The following PPP1R12C variants were observed in gnomAD, a reference collection of about 807,000 sequenced individuals.
The protein encoded by PPP1R12C is protein phosphatase 1 regulatory subunit 12C.
PPP1R12C carries 48 observed loss-of-function variants against 95.6 expected under a neutral mutation model. The observed-to-expected ratio is 0.50, with a 90% CI of 0.40 to 0.64. The LOEUF (loss-of-function observed/expected upper bound fraction) is 0.64. PPP1R12C is among the 30% of genes least tolerant of loss of function. The probability of loss-of-function intolerance (pLI) is 0.00; values close to 1 mark genes in which losing one functional copy is unlikely to be tolerated. For synonymous variants in PPP1R12C, 480 were observed against 460.8 expected (o/e 1.04, Z -0.53); for missense variants, 1,057 against 1,083.3 (o/e 0.98, Z 0.34).
rs768950556 is a variant in PPP1R12C, at chr19:55,112,746, C to A, written c.371G>T (p.Gly124Val). ...GTTGTCTGCCTGGTTCACAGTGGCGCCCTGCTCCACCAAGAAGCGCACCAC... is the reference window on the plus strand; with the variant it reads ...GTTGTCTGCCTGGTTCACAGTGGCGACCTGCTCCACCAAGAAGCGCACCAC... ...LEVVRFLVEQ[G>V]ATVNQADNEG... The change falls in exon 2 of 22, where the codon GGC (glycine) becomes GTC (valine). Residue 124 changes from glycine (G) to valine (V), a missense_variant. This residue lies in a region of PPP1R12C where 282 missense variants were observed against 380.4 expected (regional missense o/e 0.74). Transcript: ENST00000263433. The A allele has an allele frequency of 6.2e-7, 1 of 1,613,774 alleles. No homozygotes were observed. The highest frequency in any genetic ancestry group is 8.5e-7 in the Non-Finnish European group (1 of 1,179,986).
intron 4 of PPP1R12C, among the ~76,000 whole-genome samples, chr19:55,102,612 A>G (rs2084991022): frequency 1.3e-5 from 2 of 152,252 alleles, no homozygotes; most frequent in Non-Finnish European, 2.9e-5. Flanking sequence ...AAAGTCCATA[A>G]TCACAGCAAG....
rs774335028 is a variant in PPP1R12C at position 55,092,498 on chromosome 19, C to T, written c.1999G>A (p.Asp667Asn). Residue 667 changes from aspartate (D) to asparagine (N), a missense_variant, in exon 18 of 22, where the codon GAC becomes AAC. Physicochemically the swap from Asp to Asn is conservative, Grantham distance 23. Around this residue, in one of 5 missense-constraint regions of PPP1R12C, gnomAD observed 347 missense variants for 307.9 expected, o/e 1.13. Transcript: ENST00000263433. ...PSARRQRWQRDLNPEPEPESE... is the reference protein window; with the variant it reads ...PSARRQRWQRNLNPEPEPESE... ...TCTGGCTCAGGTTCTGGGTTGAGGT[C>T]CCGCTGCCACCGCTGCCTGCGGGCC... 1.2e-6 allele frequency: 2 copies of T among 1,609,590 alleles called. No homozygotes were observed. Among genetic ancestry groups the T allele is most frequent in the Admixed American group, 1.7e-5 (1 of 59,716 alleles).
chr19:55,107,411 T>C (rs1270179057), intron 3 of PPP1R12C, among the ~76,000 whole-genome samples: 2 of 152,022 alleles, frequency 1.3e-5, no homozygotes, highest in African/African-American at 2.4e-5. Flanking sequence ...TGAAACTCCA[T>C]TGCTGCTGTT....
chr19:55,105,283 CAGGGAGGGGA>C (rs1340061132), intron 3 of PPP1R12C, among the ~76,000 whole-genome samples: 4 of 152,134 alleles, frequency 2.6e-5, no homozygotes, highest in African/African-American at 9.7e-5. Context: ...GGTCTCAATT[CAGGGAGGGGA>C]AGGGAGGGTG....
chr19:55,095,297 G>A lies in PPP1R12C; in HGVS notation c.1448C>T (p.Ser483Phe). The A allele has an allele frequency of 6.3e-7, 1 of 1,576,288 alleles. No individual in the cohort carries two copies. The highest frequency in any genetic ancestry group is 8.6e-7 in the Non-Finnish European group (1 of 1,161,344). The change falls in exon 11 of 22, where the codon TCT becomes TTT. Residue 483 changes from serine (S) to phenylalanine (F), a missense_variant. Transcript: ENST00000263433. ...PTPSPKLPEPSVLSEVTKPPP... is the reference protein window; with the variant it reads ...PTPSPKLPEPFVLSEVTKPPP... ...CCAGGCCCTGGGGACTCACAGGACAGAGGGCTCCGGCAGCTTCGGGGAGGG... is the reference window on the plus strand; with the variant it reads ...CCAGGCCCTGGGGACTCACAGGACAAAGGGCTCCGGCAGCTTCGGGGAGGG...
chr19:55,097,302 A>C (rs1401462181), intron 6 of PPP1R12C, among the ~76,000 whole-genome samples: 2 of 41,890 alleles, frequency 4.8e-5, no homozygotes, highest in South Asian at 1.0e-3. Flanking sequence ...CCCCTTCCCC[A>C]CGCAGTTCAC....
intron 4 of PPP1R12C, 81 bp from the exon 5 acceptor site, chr19:55,099,176 C>T (rs2084955275): frequency 8.4e-6 from 12 of 1,421,984 alleles, no homozygotes; most frequent in Non-Finnish European, 6.5e-6. Flanking sequence ...GGTTTGGTAA[C>T]GAGGTCCCAG....
intron 4 of PPP1R12C, among the ~76,000 whole-genome samples, chr19:55,100,743 G>A (rs1436201122): frequency 1.3e-5 from 2 of 152,156 alleles, no homozygotes; most frequent in African/African-American, 4.8e-5. Flanking sequence ...CTTCCAGGTA[G>A]CTGGGATTAC....
At chr19:55,102,456 G>A (rs543539045) in intron 4 of PPP1R12C, among the ~76,000 whole-genome samples, 2 of 152,324 alleles carry the variant, frequency 1.3e-5, no homozygotes, top group South Asian at 2.1e-4. Flanking sequence ...AGGTTGCAGT[G>A]AGCTATGATC....
intron 4 of PPP1R12C, among the ~76,000 whole-genome samples, chr19:55,102,379 G>A (rs1486788642): frequency 6.6e-6 from 1 of 152,148 alleles, no homozygotes; most frequent in Non-Finnish European, 1.5e-5. Flanking sequence ...AAGTGTGGTG[G>A]CACACTCTCA....
chr19:55,112,274 T>A, intron 3 of PPP1R12C, 193 bp downstream of exon 3: 1 of 404,364 alleles, frequency 2.5e-6, no homozygotes, highest in East Asian at 4.8e-5. Context: ...CCTGTGCGTG[T>A]GCTGGGCTCC....
intron 4 of PPP1R12C, among the ~76,000 whole-genome samples, chr19:55,101,446 A>G (rs2084978054): frequency 6.6e-6 from 1 of 152,214 alleles, no homozygotes; most frequent in East Asian, 1.9e-4. Flanking sequence ...ACCCAGCTGA[A>G]GACAAATCTC....
intron 3 of PPP1R12C, among the ~76,000 whole-genome samples, chr19:55,107,100 G>T (rs1488617019): frequency 6.6e-6 from 1 of 151,874 alleles, no homozygotes; most frequent in Non-Finnish European, 1.5e-5. Context: ...AGCTACATAA[G>T]GCCATAGACT....
chr19:55,111,147 G>T (rs1205003002), intron 3 of PPP1R12C, among the ~76,000 whole-genome samples: 1 of 134,820 alleles, frequency 7.4e-6, no homozygotes, highest in Non-Finnish European at 1.6e-5. Flanking sequence ...TGGGGTGGGG[G>T]GGAGGGGGGG....
At chr19:55,097,018 C>T (rs1457798393) in intron 6 of PPP1R12C, 5 of 223,724 alleles carry the variant, frequency 2.2e-5, no homozygotes, top group Non-Finnish European at 3.3e-5. Context: ...AGTTCACCAC[C>T]GTCTTCGCCC....
chr19:55,091,413 A>G lies in PPP1R12C; in HGVS notation c.*59T>C. On this transcript the variant is annotated 3_prime_UTR_variant, in exon 22 of 22. Coordinates refer to ENST00000263433, the MANE Select transcript of PPP1R12C (RefSeq NM_017607.4). ...CCTGTCACTCGTGTTCACACGGGGGAAGGGGTGCGTGTGGCAGAAGCAGCT... is the reference window on the plus strand; with the variant it reads ...CCTGTCACTCGTGTTCACACGGGGGGAGGGGTGCGTGTGGCAGAAGCAGCT... 1 of 1,491,560 alleles carries G rather than the reference A, an allele frequency of 6.7e-7. No homozygotes were observed. The highest frequency in any genetic ancestry group is 9.3e-7 in the Non-Finnish European group (1 of 1,079,584). 92.4% of individuals were successfully genotyped at this position (1,491,560 alleles called of 1,614,324 possible). A position where few individuals can be genotyped will look rare whatever the true frequency, so the allele number is the denominator to read the frequency against.
intron 1 of PPP1R12C, chr19:55,113,078 G>A (rs768329522): frequency 1.8e-5 from 10 of 558,282 alleles, no homozygotes; most frequent in Admixed American, 1.2e-4. Context: ...ATCTGGGTGC[G>A]GGAACCCCAC....
intron 1 of PPP1R12C, among the ~76,000 whole-genome samples, chr19:55,116,746 G>A (rs950491661): frequency 6.6e-6 from 1 of 152,172 alleles, no homozygotes; most frequent in African/African-American, 2.4e-5. Context: ...GCCAGGGCCA[G>A]GCAGATAGAC....
intron 3 of PPP1R12C, 169 bp downstream of exon 3, chr19:55,112,298 G>A (rs1330357908): frequency 3.2e-6 from 2 of 616,178 alleles, no homozygotes; most frequent in Admixed American, 3.0e-5. Flanking sequence ...CAATCCTGGA[G>A]GCAGGCCCCT....
Sources: gnomAD v4.1 joint callset for allele counts (sites outside exome capture counted in the v4.1 genomes callset) on GRCh38, gnomAD v4.1.1 for gene constraint, gnomAD v4.1.1 regional missense constraint, MANE v1.5 for transcripts, NCBI Gene and HGNC (gene_info 2026-07-23, HGNC 2026-07-21) for gene names.